MERTK: variants seen among roughly 807,000 people sequenced by gnomAD.
MERTK encodes tyrosine-protein kinase Mer.
Under a neutral mutation model 99.3 loss-of-function variants are expected in MERTK, and 69 were observed. The ratio of observed to expected loss-of-function variants is 0.70; its 90% confidence interval spans 0.57 to 0.85. The LOEUF (loss-of-function observed/expected upper bound fraction) is 0.85, where lower values mean the gene tolerates loss of function less well. Ranked by LOEUF, MERTK falls within the 40% of genes least tolerant of loss-of-function variation. MERTK has a pLI of 0.00. For missense variants in MERTK, 1,125 were observed against 1,249.4 expected (o/e 0.90, Z 1.50); for synonymous variants, 426 against 467.6 (o/e 0.91, Z 1.15).
intron 13 of MERTK, among the ~76,000 whole-genome samples, chr2:112,004,222 ACTGT>A (rs1178528276): frequency 1.6e-4 from 24 of 151,928 alleles, no homozygotes; most frequent in Admixed American, 5.3e-4. Flanking sequence ...ATGCATACAT[ACTGT>A]CTGTCTTGCT....
chr2:111,976,781 A>T (rs1573614606), intron 7 of MERTK, among the ~76,000 whole-genome samples: 2 of 151,152 alleles, frequency 1.3e-5, no homozygotes, highest in East Asian at 3.9e-4. Flanking sequence ...TTATGATTCT[A>T]TGTTTAATAT....
chr2:112,014,957 A>G (rs2104417849), intron 15 of MERTK, among the ~76,000 whole-genome samples: 1 of 152,280 alleles, frequency 6.6e-6, no homozygotes, highest in Non-Finnish European at 1.5e-5. Context: ...ACCTTTTGAG[A>G]CTGGCTTCCT....
chr2:111,959,099 C>T (rs1034612510), intron 4 of MERTK, among the ~76,000 whole-genome samples: 9 of 152,046 alleles, frequency 5.9e-5, no homozygotes, highest in Non-Finnish European at 1.0e-4. Flanking sequence ...GTTCATGCAG[C>T]CTGGTGGTTG....
In MERTK at chr2:111,928,441, C is replaced by CT. The variant is rs776581211; in HGVS notation, c.62-678dup. Among the ~76,000 whole-genome samples the CT allele has an allele frequency of 1.1e-4, 17 of 150,490 alleles. No individual in the cohort carries two copies. The South Asian group carries it at 3.6e-3, about 32-fold the overall frequency. On this transcript the variant is annotated intron_variant, in intron 1 of 18. Coordinates refer to ENST00000295408, the MANE Select transcript of MERTK (RefSeq NM_006343.3). Reference sequence around the variant, plus strand: ...CGAACCTCAATCAGCTTTTTAAAGACTATCAGCCAAATTTGCAGCATAGTC... The same window carrying CT: ...CGAACCTCAATCAGCTTTTTAAAGACTTATCAGCCAAATTTGCAGCATAGTC...
Position 112,028,901 on chromosome 2 carries a change from ATTC to A in MERTK, c.*42_*44del, listed in dbSNP as rs775620304. On this transcript the variant is annotated 3_prime_UTR_variant, in exon 19 of 19. Coordinates refer to ENST00000295408, the MANE Select transcript of MERTK (RefSeq NM_006343.3). ...GGGAGACATTCCAAAAATCAAGCCAATTCTTCTGCTGTAGGAGAATCCAATTGT... is the reference window on the plus strand; with the variant it reads ...GGGAGACATTCCAAAAATCAAGCCAATTCTGCTGTAGGAGAATCCAATTGT... 5 of 1,613,086 alleles carry A rather than the reference ATTC, an allele frequency of 3.1e-6. No individual in the cohort carries two copies. The highest frequency in any genetic ancestry group is 2.2e-5 in the East Asian group (1 of 44,898).
intron 4 of MERTK, among the ~76,000 whole-genome samples, chr2:111,952,845 A>G (rs1046292489): frequency 1.4e-4 from 22 of 152,230 alleles, no homozygotes; most frequent in African/African-American, 3.6e-4. Flanking sequence ...CAAGTTGGCA[A>G]TCTTTTTAGT....
chr2:111,971,048 T>C (rs1235013350), intron 6 of MERTK, among the ~76,000 whole-genome samples: 1 of 152,162 alleles, frequency 6.6e-6, no homozygotes, highest in Non-Finnish European at 1.5e-5. Flanking sequence ...GCTTTGGTAG[T>C]TTCTATGTTA....
At position 111,994,282 on chromosome 2, in the gene MERTK, G is replaced by A; in HGVS notation, c.1328G>A (p.Gly443Asp). The change falls in exon 9 of 19, where the codon GGC (glycine) becomes GAC (aspartate). Residue 443 changes from glycine to aspartate, a missense_variant. By Grantham distance (94) the Gly-to-Asp change is moderately conservative. Coordinates refer to ENST00000295408, the MANE Select transcript of MERTK (RefSeq NM_006343.3). ...KELLEEVGQN[G>D]SRARISVQVH... ...CTCTTGGAGGAAGTTGGCCAGAATG[G>A]CAGCCGAGCTCGGATCTCTGTTCAA... 1.2e-6 allele frequency: 2 copies of A among 1,614,098 alleles called. No individual in the cohort carries two copies.
intron 11 of MERTK, 79 bp from the exon 12 acceptor site, chr2:112,003,013 G>T: frequency 4.0e-6 from 3 of 757,212 alleles, no homozygotes; most frequent in Non-Finnish European, 7.3e-6. Flanking sequence ...TATTATACAG[G>T]ACTTTATTTC....
intron 2 of MERTK, among the ~76,000 whole-genome samples, chr2:111,942,127 C>A (rs951058457): frequency 5.9e-5 from 9 of 152,246 alleles, no homozygotes; most frequent in African/African-American, 2.2e-4. Flanking sequence ...CTGAGTCCAG[C>A]TGCAAGCCTG....
At chr2:111,932,397 G>A (rs1175736241) in intron 2 of MERTK, among the ~76,000 whole-genome samples, 1 of 152,116 alleles carries the variant, frequency 6.6e-6, no homozygotes, top group Non-Finnish European at 1.5e-5. Context: ...TAGCCAGGAT[G>A]GTCTCAATCT....
At position 111,940,828 on chromosome 2, in the gene MERTK, C is replaced by T. The variant is rs879108450; in HGVS notation, c.483-4132C>T. ...TTCTTGTCGATCTTGAATCTTTAAA[C>T]GACAGTTAACATCTCTGAGATACTT... is the stretch of plus-strand genomic sequence containing the variant. On this transcript the variant is annotated intron_variant, in intron 2 of 18. Transcript: ENST00000295408. The T allele has an allele frequency of 1.3e-5, 13 of 965,894 alleles. 1 individual carries two copies. Among genetic ancestry groups the T allele is most frequent in the African/African-American group, 9.2e-5 (6 of 64,908 alleles). 59.8% of individuals were successfully genotyped at this position (965,894 alleles called of 1,614,324 possible). A position where few individuals can be genotyped will look rare whatever the true frequency, so the allele number is the denominator to read the frequency against.
At chr2:111,969,344 G>A (rs772121892) in intron 6 of MERTK, among the ~76,000 whole-genome samples, 1 of 152,178 alleles carries the variant, frequency 6.6e-6, no homozygotes, top group Non-Finnish European at 1.5e-5. Context: ...TCCGTCTCAG[G>A]AGGGACATCG....
At chr2:111,997,087 T>C in intron 9 of MERTK, 2 of 661,896 alleles carry the variant, frequency 3.0e-6, no homozygotes, top group Non-Finnish European at 5.5e-6. Context: ...TGGAGTACAG[T>C]GTGACATTTT....
Position 111,942,683 on chromosome 2 carries a change from C to T in MERTK, c.483-2277C>T, listed in dbSNP as rs76540066. On this transcript the variant is annotated intron_variant, in intron 2 of 18. Transcript: ENST00000295408. ...CACCATTCATTCATCAGGTGCATTC[C>T]AAAATTATATTGCTCCTACAAAAGA... 8.5e-4 allele frequency among the ~76,000 whole-genome samples: 130 copies of T among 152,210 alleles called. 1 individual carries two copies. The highest frequency in any genetic ancestry group is 2.8e-3 in the African/African-American group (117 of 41,520).
At position 111,994,326 on chromosome 2, in the gene MERTK, A is replaced by G. The variant is rs768951091; in HGVS notation, c.1372A>G (p.Thr458Ala). The stretch of plus-strand genomic sequence containing the variant: ...TGTTCAAGTCCACAATGCTACGTGC[A>G]CAGTGAGGATTGCAGCCGTCACCAG... ...ISVQVHNATCTVRIAAVTRGG... is the reference protein window; with the variant it reads ...ISVQVHNATCAVRIAAVTRGG... Residue 458 changes from threonine to alanine, a missense_variant, in exon 9 of 19, where the codon ACA becomes GCA. Coordinates refer to ENST00000295408, the MANE Select transcript of MERTK (RefSeq NM_006343.3). 1.7e-5 allele frequency: 28 copies of G among 1,614,078 alleles called. No homozygotes were observed. The South Asian group carries it at 1.8e-4, about 10-fold the overall frequency.
intron 10 of MERTK, among the ~76,000 whole-genome samples, chr2:112,000,883 A>G (rs2104404815): frequency 6.6e-6 from 1 of 152,294 alleles, no homozygotes; most frequent in East Asian, 1.9e-4. Context: ...TATTTTCATA[A>G]GTATAGACTT....
chr2:111,929,150 C>T lies in MERTK; in HGVS notation c.92C>T (p.Pro31Leu), dbSNP rs1167524389. The T allele has an allele frequency of 1.2e-6, 2 of 1,614,148 alleles. No homozygotes were observed. The highest frequency in any genetic ancestry group is 1.7e-6 in the Non-Finnish European group (2 of 1,180,032). Residue 31 changes from proline (P) to leucine (L), a missense_variant, in exon 2 of 19, where the codon CCT becomes CTT. By Grantham distance (98) the Pro-to-Leu change is moderately conservative. Transcript: ENST00000295408. ...AITEAREEAK[P>L]YPLFPGPFPG... ...ACTGAGGCAAGGGAAGAAGCCAAGC[C>T]TTACCCGCTATTCCCGGGACCTTTT...
intron 15 of MERTK, among the ~76,000 whole-genome samples, chr2:112,011,404 T>C (rs1677100796): frequency 6.6e-6 from 1 of 152,132 alleles, no homozygotes; most frequent in African/African-American, 2.4e-5. Context: ...AGGTCGCTTT[T>C]CCAAGTGAAG....
Sources: gnomAD v4.1 joint callset for allele counts (sites outside exome capture counted in the v4.1 genomes callset) on GRCh38, gnomAD v4.1.1 for gene constraint, MANE v1.5 for transcripts, NCBI Gene and HGNC (gene_info 2026-07-23, HGNC 2026-07-21) for gene names.